FBP2: variants seen among roughly 807,000 people sequenced by gnomAD.
FBP2 encodes the protein fructose-bisphosphatase 2, also known as fructose-1,6-bisphosphatase isozyme 2.
In FBP2, 27 loss-of-function variants were observed where a neutral mutation model predicts 31.6. The ratio of observed to expected loss-of-function variants is 0.85; its 90% CI spans 0.63 to 1.18. The LOEUF is 1.18. Ranked by LOEUF, FBP2 falls within the 50% of genes most tolerant of loss-of-function variation. The probability of loss-of-function intolerance (pLI) is 0.00; values close to 1 mark genes in which losing one functional copy is unlikely to be tolerated. For synonymous variants in FBP2, 168 were observed against 179.8 expected (o/e 0.93, Z 0.53); for missense variants, 421 against 436.1 (o/e 0.97, Z 0.31).
At chr9:94,573,668 A>G (rs1222330907) in intron 3 of FBP2, among the ~76,000 whole-genome samples, 1 of 152,238 alleles carries the variant, frequency 6.6e-6, no homozygotes, top group East Asian at 1.9e-4. Flanking sequence ...CCATCACCAG[A>G]ATAAACCCCA....
chr9:94,584,868 C>T (rs1827410413), intron 2 of FBP2, among the ~76,000 whole-genome samples, 199 bp from the exon 3 acceptor site: 1 of 152,138 alleles, frequency 6.6e-6, no homozygotes, highest in Admixed American at 6.5e-5. Context: ...GTTTTGTATC[C>T]ATCTCACCTG....
intron 3 of FBP2, among the ~76,000 whole-genome samples, chr9:94,578,559 T>TAATAAATTATGGGACTAATTTAC (rs1827340704): frequency 1.3e-5 from 2 of 152,200 alleles, no homozygotes; most frequent in African/African-American, 4.8e-5. Flanking sequence ...TTAAAAATTA[T>TAATAAATTATGGGACTAATTTAC]AATAAATTAT....
intron 1 of FBP2, among the ~76,000 whole-genome samples, chr9:94,590,700 G>C (rs114951150): frequency 3.3e-5 from 5 of 152,208 alleles, no homozygotes; most frequent in African/African-American, 1.2e-4. Context: ...AAAGAACAAA[G>C]CCTCCACAGT....
At chr9:94,588,645 G>A (rs1827456255) in intron 1 of FBP2, among the ~76,000 whole-genome samples, 1 of 152,064 alleles carries the variant, frequency 6.6e-6, no homozygotes, top group Admixed American at 6.5e-5. Flanking sequence ...AGAGGCTTTG[G>A]GTTTTAGAGC....
intron 6 of FBP2, among the ~76,000 whole-genome samples, chr9:94,560,058 A>G (rs1010076586): frequency 6.6e-6 from 1 of 152,200 alleles, no homozygotes; most frequent in East Asian, 1.9e-4. Context: ...CCCGGAGTTC[A>G]AGGCTGCGGT....
At chr9:94,579,225 C>T (rs924625466) in intron 3 of FBP2, among the ~76,000 whole-genome samples, 21 of 144,776 alleles carry the variant, frequency 1.5e-4, no homozygotes, top group African/African-American at 4.3e-4. Flanking sequence ...GGTGAAACCC[C>T]GTCTCTACTA....
intron 2 of FBP2, among the ~76,000 whole-genome samples, chr9:94,587,082 A>G (rs1649320656): frequency 6.6e-6 from 1 of 152,242 alleles, no homozygotes; most frequent in African/African-American, 2.4e-5. Context: ...CGGTTCCTGC[A>G]TCACTCTGAA....
intron 6 of FBP2, 28 bp from the exon 7 acceptor site, chr9:94,559,160 A>C: frequency 6.3e-7 from 1 of 1,596,946 alleles, no homozygotes; most frequent in Non-Finnish European, 8.6e-7. Context: ...CAGGTGAGTA[A>C]ACTCTGCAAG....
chr9:94,578,512 T>C (rs72743286), intron 3 of FBP2, among the ~76,000 whole-genome samples: 1 of 152,130 alleles, frequency 6.6e-6, no homozygotes, highest in Non-Finnish European at 1.5e-5. Context: ...AATTAAATAA[T>C]AAATGCTTAT....
At chr9:94,566,031 G>A (rs10761339) in intron 5 of FBP2, among the ~76,000 whole-genome samples, 68,389 of 152,110 alleles carry the variant, frequency 0.45, 15,954 homozygotes, top group Admixed American at 0.54. Flanking sequence ...AAAGTTCACC[G>A]TAGAGTTCTT....
rs755065804 is a variant in FBP2, at chr9:94,567,334, T to G, written c.641A>C (p.Glu214Ala). 4 of 1,614,166 alleles carry G rather than the reference T, an allele frequency of 2.5e-6. No homozygotes were observed. In the East Asian group the frequency reaches 8.9e-5, roughly 36 times the overall value. ...KKKGKIYSLN[E>A]GYAKYFDAAT... is the part of the protein sequence containing the mutation. Reference sequence around the variant, plus strand: ...CGCATCAAAATACTTGGCATAGCCCTCATTCAGGCTGTAAATCTTTCCTTT... The same window carrying G: ...CGCATCAAAATACTTGGCATAGCCCGCATTCAGGCTGTAAATCTTTCCTTT... Residue 214 changes from glutamate to alanine, a missense_variant, in exon 5 of 7, where the codon GAG (glutamate) becomes GCG (alanine). Glu to Ala is a moderately radical substitution (Grantham distance 107, BLOSUM62 -1). Transcript: ENST00000375337.
intron 6 of FBP2, among the ~76,000 whole-genome samples, chr9:94,560,962 G>T (rs1827090075): frequency 6.6e-6 from 1 of 151,938 alleles, no homozygotes; most frequent in Non-Finnish European, 1.5e-5. Flanking sequence ...GTCCAGAAGG[G>T]TGTAAAAAAG....
intron 5 of FBP2, among the ~76,000 whole-genome samples, chr9:94,563,836 CA>C (rs1173066936): frequency 6.6e-6 from 1 of 152,106 alleles, no homozygotes; most frequent in African/African-American, 2.4e-5. Context: ...GCAGGGGCTG[CA>C]ATCCTAATTT....
chr9:94,561,078 C>G (rs1827091924), intron 6 of FBP2, among the ~76,000 whole-genome samples: 2 of 152,238 alleles, frequency 1.3e-5, no homozygotes, highest in South Asian at 4.1e-4. Flanking sequence ...CAAGGAGACT[C>G]TCACCTTGAC....
chr9:94,559,135 G>A lies in FBP2; in HGVS notation c.826-3C>T. 2 of 1,607,716 alleles carry A rather than the reference G, an allele frequency of 1.2e-6. No individual in the cohort carries two copies. The highest frequency in any genetic ancestry group is 1.1e-5 in the South Asian group (1 of 90,772). ...TTGCATTCATACAGGAGCCGGAGCT[G>A]TGGAGGAACAGAGGCAGGTGAGTAA... On this transcript the variant is annotated splice_polypyrimidine_tract_variant and splice_region_variant and intron_variant, in intron 6 of 6. Transcript: ENST00000375337.
intron 1 of FBP2, among the ~76,000 whole-genome samples, chr9:94,593,209 C>T (rs930658823): frequency 3.3e-5 from 5 of 152,208 alleles, no homozygotes; most frequent in Non-Finnish European, 7.3e-5. Context: ...AGATATTTCA[C>T]GTCACCCCTC....
At chr9:94,583,627 T>C (rs1356275317) in intron 3 of FBP2, among the ~76,000 whole-genome samples, 1 of 152,150 alleles carries the variant, frequency 6.6e-6, no homozygotes, top group Admixed American at 6.5e-5. Flanking sequence ...TTTGAGAGAG[T>C]CTTGCTCTGT....
intron 5 of FBP2, among the ~76,000 whole-genome samples, chr9:94,564,594 A>T (rs1827158628): frequency 6.6e-6 from 1 of 152,178 alleles, no homozygotes; most frequent in Non-Finnish European, 1.5e-5. Flanking sequence ...CTCACTTATA[A>T]GTAGGAGCTA....
chr9:94,571,628 T>C (rs747245526), intron 3 of FBP2, 26 bp from the exon 4 acceptor site: 2 of 1,596,082 alleles, frequency 1.3e-6, no homozygotes, highest in Non-Finnish European at 1.7e-6. Flanking sequence ...ATAAATGCCA[T>C]GTGTTATTGT....
Sources: gnomAD v4.1 joint callset for allele counts (sites outside exome capture counted in the v4.1 genomes callset) on GRCh38, gnomAD v4.1.1 for gene constraint, MANE v1.5 for transcripts, NCBI Gene and HGNC (gene_info 2026-07-23, HGNC 2026-07-21) for gene names.